Variants in ADARB2 observed in about 807,000 individuals in gnomAD.
ADARB2 encodes adenosine deaminase RNA specific B2 (inactive), also known as inactive double-stranded RNA-specific editase B2.
Under a neutral mutation model 62.2 loss-of-function variants are expected in ADARB2, and 25 were observed. That is an observed-to-expected ratio of 0.40 (90% confidence interval 0.29 to 0.56). ADARB2 has a LOEUF of 0.56. ADARB2 is among the 20% of genes least tolerant of loss of function. The pLI is 0.43. For missense variants in ADARB2, 1,071 were observed against 1,077.4 expected, an observed-to-expected ratio of 0.99 and a Z score of 0.08; for synonymous variants, 572 against 500.8, an observed-to-expected ratio of 1.14 and a Z score of -1.90.
intron 7 of ADARB2, chr10:1,216,427 G>C (rs554094548): frequency 1.3e-4 from 20 of 159,404 alleles, no homozygotes; most frequent in Admixed American, 7.7e-4. Context: ...GAGCTCAGCC[G>C]AGGCCTCTCA....
At chr10:1,544,467 C>A (rs1214046276) in intron 1 of ADARB2, among the ~76,000 whole-genome samples, 2 of 152,214 alleles carry the variant, frequency 1.3e-5, no homozygotes, top group Non-Finnish European at 2.9e-5. Context: ...GGACTAGCTG[C>A]TTGCCTGAGA....
chr10:1,601,698 C>T (rs938612644), intron 1 of ADARB2, among the ~76,000 whole-genome samples: 2 of 152,160 alleles, frequency 1.3e-5, no homozygotes, highest in African/African-American at 4.8e-5. Flanking sequence ...ACGATGTGCT[C>T]CTGACGACAG....
chr10:1,213,516 G>A (rs971286232), intron 7 of ADARB2, among the ~76,000 whole-genome samples: 1 of 152,176 alleles, frequency 6.6e-6, no homozygotes, highest in African/African-American at 2.4e-5. Context: ...CCTGTCCACT[G>A]CACCCCTGTC....
At chr10:1,364,403 G>A (rs1318444627) in intron 2 of ADARB2, among the ~76,000 whole-genome samples, 1 of 152,234 alleles carries the variant, frequency 6.6e-6, no homozygotes, top group Non-Finnish European at 1.5e-5. Context: ...GACAGGTGGT[G>A]TCTCCTGAGA....
At chr10:1,698,754 A>G (rs1394650966) in intron 1 of ADARB2, among the ~76,000 whole-genome samples, 2 of 152,190 alleles carry the variant, frequency 1.3e-5, no homozygotes, top group Non-Finnish European at 2.9e-5. Context: ...AATGACTTTT[A>G]AAAAATTTAT....
At chr10:1,484,353 A>T (rs1831516079) in intron 1 of ADARB2, among the ~76,000 whole-genome samples, 1 of 152,200 alleles carries the variant, frequency 6.6e-6, no homozygotes, top group Admixed American at 6.5e-5. Flanking sequence ...GCGTGTGAGA[A>T]ACTGAGAAGG....
intron 1 of ADARB2, among the ~76,000 whole-genome samples, chr10:1,408,509 G>A (rs1420571857): frequency 2.0e-5 from 3 of 152,152 alleles, no homozygotes; most frequent in East Asian, 3.8e-4. Context: ...CAGGGCTCTC[G>A]ATTTCCAAAA....
intron 6 of ADARB2, among the ~76,000 whole-genome samples, chr10:1,221,291 C>T (rs2131758841): frequency 6.6e-6 from 1 of 152,274 alleles, no homozygotes; most frequent in South Asian, 2.1e-4. Context: ...CAGTCCAAGT[C>T]ATCAGACTCT....
intron 1 of ADARB2, among the ~76,000 whole-genome samples, chr10:1,590,865 G>A (rs748205145): frequency 6.6e-6 from 1 of 152,170 alleles, no homozygotes; most frequent in Non-Finnish European, 1.5e-5. Flanking sequence ...TGCGTCGTCT[G>A]CTGCAGGAGC....
rs143708705 is a variant in ADARB2 at position 1,584,139 on chromosome 10, G to A, written c.100+152912C>T. Among the ~76,000 whole-genome samples the A allele has an allele frequency of 1.4e-3, 216 of 152,042 alleles. 1 individual carries two copies. Among genetic ancestry groups the A allele is most frequent in the African/African-American group, 4.7e-3 (194 of 41,476 alleles). On this transcript the variant is annotated intron_variant, in intron 1 of 9. Coordinates refer to ENST00000381312, the MANE Select transcript of ADARB2 (RefSeq NM_018702.4). ...TCCATAAAAACAAAATCAATAAATG[G>A]GACTTAATTTAAAAACTTGTGCACG...
At chr10:1,722,335 C>T (rs1253915861) in intron 1 of ADARB2, among the ~76,000 whole-genome samples, 1 of 152,218 alleles carries the variant, frequency 6.6e-6, no homozygotes, top group Non-Finnish European at 1.5e-5. Flanking sequence ...TAAAATAGAA[C>T]ATGCACATTT....
chr10:1,556,239 G>A (rs369273559), intron 1 of ADARB2, among the ~76,000 whole-genome samples: 1 of 148,494 alleles, frequency 6.7e-6, no homozygotes, highest in African/African-American at 2.5e-5. Flanking sequence ...TTCAAAGAAA[G>A]CCTTCCTCTC....
intron 1 of ADARB2, among the ~76,000 whole-genome samples, chr10:1,592,395 C>A (rs75281748): frequency 0.15 from 4,819 of 33,098 alleles, 570 homozygotes; most frequent in East Asian, 0.31. Context: ...TCGCCCAAGC[C>A]ACCCTCCATA....
At chr10:1,591,100 C>A (rs1388592897) in intron 1 of ADARB2, among the ~76,000 whole-genome samples, 1 of 152,248 alleles carries the variant, frequency 6.6e-6, no homozygotes, top group East Asian at 1.9e-4. Flanking sequence ...TTAATTCATC[C>A]TTTGTGGTTC....
chr10:1,312,979 A>C (rs1290704486), intron 3 of ADARB2, among the ~76,000 whole-genome samples: 1 of 152,070 alleles, frequency 6.6e-6, no homozygotes, highest in Non-Finnish European at 1.5e-5. Flanking sequence ...GGAAGATGTG[A>C]TCTTGGGGTT....
Position 1,363,914 on chromosome 10 carries a change from G to A in ADARB2, c.191C>T (p.Thr64Ile). 6.8e-7 allele frequency: 1 copy of A among 1,466,638 alleles called. No homozygotes were observed. Among genetic ancestry groups the A allele is most frequent in the Non-Finnish European group, 8.9e-7 (1 of 1,120,602 alleles). 90.9% of individuals were successfully genotyped at this position (1,466,638 alleles called of 1,614,324 possible). ...GTTCTCCTTCACCTCCGCGCTGCTG[G>A]TACCTGGAGGGGAGAACAGACCAGT... is the stretch of plus-strand genomic sequence containing the variant. ...TNTEDDDTLS[T>I]SSAEVKENRN... The change falls in exon 3 of 10, where the codon ACC becomes ATC. Residue 64 changes from threonine to isoleucine, a missense_variant. Physicochemically the swap from Thr to Ile is moderately conservative, Grantham distance 89. Transcript: ENST00000381312.
chr10:1,667,866 GA>G (rs1168757813), intron 1 of ADARB2, among the ~76,000 whole-genome samples: 1 of 152,102 alleles, frequency 6.6e-6, no homozygotes, highest in African/African-American at 2.4e-5. Context: ...TAACCTTTCT[GA>G]AAAAAATCAT....
At chr10:1,407,190 C>T (rs1293754025) in intron 1 of ADARB2, among the ~76,000 whole-genome samples, 1 of 152,174 alleles carries the variant, frequency 6.6e-6, no homozygotes, top group East Asian at 1.9e-4. Context: ...ACCGAGCGGA[C>T]CCCATACTGA....
At chr10:1,402,820 G>A (rs1832676266) in intron 1 of ADARB2, among the ~76,000 whole-genome samples, 1 of 152,234 alleles carries the variant, frequency 6.6e-6, no homozygotes, top group Non-Finnish European at 1.5e-5. Flanking sequence ...TCCACAATTT[G>A]CAGTGTCCAG....
Sources: allele counts gnomAD v4.1 joint callset (sites outside exome capture counted in the v4.1 genomes callset), GRCh38; gene constraint gnomAD v4.1.1; transcripts MANE v1.5; gene names NCBI Gene and HGNC (gene_info 2026-07-23, HGNC 2026-07-21).